PCDH11Y: variants seen among roughly 807,000 people sequenced by gnomAD.
The protein encoded by PCDH11Y is protocadherin-11 Y-linked.
For synonymous variants in PCDH11Y, 9 were observed against 83.6 expected, an observed-to-expected ratio of 0.11 and a Z score of 4.87; for missense variants, 12 against 224.8, an observed-to-expected ratio of 0.05 and a Z score of 6.05.
At chrY:5,257,143 T>C in intron 2 of PCDH11Y, among the ~76,000 whole-genome samples, 7 of 33,241 alleles carry the variant, frequency 2.1e-4, no homozygotes, top group Non-Finnish European at 5.2e-4. Context: ...GGCTTTCAGT[T>C]TTTTTCCCAT....
chrY:5,735,557 C>A (rs2053608718), intron 4 of PCDH11Y, among the ~76,000 whole-genome samples: 1 of 33,261 alleles, frequency 3.0e-5, no homozygotes, highest in South Asian at 6.6e-4. Flanking sequence ...GGATCTATTT[C>A]TGGACTGATT....
At chrY:5,612,934 C>T (rs2124701220) in intron 4 of PCDH11Y, among the ~76,000 whole-genome samples, 1 of 27,346 alleles carries the variant, frequency 3.7e-5, no homozygotes, top group Admixed American at 3.4e-4. Context: ...GGCATGATCT[C>T]GGCTCACTGC....
At chrY:5,075,002 A>G in intron 1 of PCDH11Y, among the ~76,000 whole-genome samples, 1 of 33,490 alleles carries the variant, frequency 3.0e-5, no homozygotes. Flanking sequence ...TGTAAGAATT[A>G]TTAGCAATGT....
At chrY:5,671,736 G>C (rs2124708441) in intron 4 of PCDH11Y, among the ~76,000 whole-genome samples, 1 of 31,324 alleles carries the variant, frequency 3.2e-5, no homozygotes, top group African/African-American at 1.2e-4. Flanking sequence ...CTCCAGTTTT[G>C]ATGCCCTTTG....
chrY:5,619,114 G>A, intron 4 of PCDH11Y, among the ~76,000 whole-genome samples: 1 of 32,023 alleles, frequency 3.1e-5, no homozygotes, highest in Non-Finnish European at 7.6e-5. Context: ...TTTTTCTCTG[G>A]CATTTCTAAT....
downstream of PCDH11Y, among the ~76,000 whole-genome samples, chrY:5,108,640 G>A (rs1602868988): frequency 3.4e-5 from 1 of 29,157 alleles, no homozygotes; most frequent in Non-Finnish European, 8.1e-5. Flanking sequence ...CCAGCTACTC[G>A]GGAGGCTGAG....
chrY:5,286,663 G>A (rs535076985), intron 2 of PCDH11Y, among the ~76,000 whole-genome samples: 1 of 32,557 alleles, frequency 3.1e-5, no homozygotes, highest in South Asian at 7.0e-4. Context: ...ATTATAAATA[G>A]GATTGTGTTC....
chrY:5,043,157 A>T, intron 3 of PCDH11Y, among the ~76,000 whole-genome samples: 2 of 32,011 alleles, frequency 6.2e-5, no homozygotes. Context: ...GTTGAATAGG[A>T]GTGGTGAGAG....
At chrY:5,672,804 T>C in intron 4 of PCDH11Y, among the ~76,000 whole-genome samples, 1 of 31,872 alleles carries the variant, frequency 3.1e-5, no homozygotes. Context: ...ATACTAATTT[T>C]GGTTTGGAAT....
intron 2 of PCDH11Y, among the ~76,000 whole-genome samples, chrY:5,341,828 C>T: frequency 6.6e-5 from 2 of 30,410 alleles, no homozygotes; most frequent in African/African-American, 2.6e-4. Context: ...TGGTGGCGGA[C>T]ACCTATAATC....
intron 1 of PCDH11Y, among the ~76,000 whole-genome samples, chrY:5,075,502 C>T (rs2052707010): frequency 9.2e-5 from 3 of 32,648 alleles, no homozygotes; most frequent in Admixed American, 2.8e-4. Flanking sequence ...TGTTAGCAAA[C>T]GCTAGGTCTT....
intron 2 of PCDH11Y, among the ~76,000 whole-genome samples, chrY:5,252,075 G>A: frequency 6.2e-5 from 2 of 32,127 alleles, no homozygotes; most frequent in South Asian, 6.8e-4. Flanking sequence ...AAAGAGAAAC[G>A]GTAGTCATAA....
At chrY:5,059,357 C>A (rs2052669827) in intron 1 of PCDH11Y, among the ~76,000 whole-genome samples, 1 of 32,915 alleles carries the variant, frequency 3.0e-5, no homozygotes, top group Non-Finnish European at 7.5e-5. Flanking sequence ...GGCTATCATA[C>A]TGCACAGCAC....
At chrY:5,187,517 G>T (rs2052907460) in intron 2 of PCDH11Y, among the ~76,000 whole-genome samples, 1 of 32,526 alleles carries the variant, frequency 3.1e-5, no homozygotes. Flanking sequence ...CCAACCCTTG[G>T]GGCTTGCACC....
In PCDH11Y at chrY:5,099,279, ATATT is replaced by A. The variant is rs2052764596; in HGVS notation, c.1706_1709del (p.Leu569SerfsTer13). 2.5e-6 allele frequency: 1 copy of A among 396,527 alleles called. No homozygotes were observed. Among genetic ancestry groups the A allele is most frequent in the African/African-American group, 6.5e-5 (1 of 15,462 alleles). On this transcript the variant is annotated frameshift_variant, in exon 2 of 2. Coordinates refer to ENST00000215473, the Ensembl canonical transcript of PCDH11Y. LOFTEE classifies it high-confidence loss of function. Reference sequence around the variant, plus strand: ...AACTAGATAGAGAAAAAGAGGATAAATATTTATTCACAATTCTGGCAAAAGATAA... The same window carrying A: ...AACTAGATAGAGAAAAAGAGGATAAATATTCACAATTCTGGCAAAAGATAA...
At chrY:5,384,764 A>G in intron 2 of PCDH11Y, among the ~76,000 whole-genome samples, 1 of 31,660 alleles carries the variant, frequency 3.2e-5, no homozygotes, top group Non-Finnish European at 7.7e-5. Context: ...GAAACAGATT[A>G]AAATGTGGAG....
chrY:5,462,882 CA>C (rs2124683971), intron 2 of PCDH11Y, among the ~76,000 whole-genome samples: 1 of 32,758 alleles, frequency 3.1e-5, no homozygotes, highest in East Asian at 8.1e-4. Flanking sequence ...GTGCTTCACT[CA>C]CCTCCGCCTC....
chrY:5,440,926 A>G, intron 2 of PCDH11Y, among the ~76,000 whole-genome samples: 1 of 32,263 alleles, frequency 3.1e-5, no homozygotes, highest in East Asian at 8.0e-4. Flanking sequence ...TACTTTTGCC[A>G]TATTTAGTGA....
chrY:5,046,088 G>T (rs1602848480), intron 3 of PCDH11Y, among the ~76,000 whole-genome samples: 1 of 33,407 alleles, frequency 3.0e-5, no homozygotes, highest in Non-Finnish European at 7.5e-5. Flanking sequence ...TAATTTGATC[G>T]TCTGAAGCCT....
Sources: gnomAD v4.1 joint callset for allele counts (sites outside exome capture counted in the v4.1 genomes callset) on GRCh38, gnomAD v4.1.1 for gene constraint, MANE v1.5 for transcripts, NCBI Gene and HGNC (gene_info 2026-07-23, HGNC 2026-07-21) for gene names.